Variants in GPR158 observed in about 807,000 individuals in gnomAD.
The protein encoded by GPR158 is G protein-coupled receptor 158.
Under a neutral mutation model 78.2 loss-of-function variants are expected in GPR158, and 30 were observed. The observed-to-expected ratio is 0.38, with a 90% CI of 0.29 to 0.52. The LOEUF (loss-of-function observed/expected upper bound fraction) is 0.52. Among genes scored for constraint, GPR158 ranks in the 20% least tolerant of loss-of-function variants. GPR158 has a pLI of 0.83. For missense variants in GPR158, 1,463 were observed against 1,523.5 expected (o/e 0.96, Z 0.66); for synonymous variants, 581 against 591.1 (o/e 0.98, Z 0.25).
intron 4 of GPR158, among the ~76,000 whole-genome samples, chr10:25,456,778 A>ATGAC (rs140471349): frequency 0.064 from 9,790 of 152,220 alleles, 945 homozygotes; most frequent in African/African-American, 0.21. Flanking sequence ...TTTTAAAAAA[A>ATGAC]TGATGTCAAA....
intron 7 of GPR158, among the ~76,000 whole-genome samples, chr10:25,584,084 G>C (rs1588923719): frequency 6.6e-6 from 1 of 151,724 alleles, no homozygotes; most frequent in East Asian, 1.9e-4. Flanking sequence ...TTTAAACTGA[G>C]TGTTATTCCA....
At chr10:25,312,683 G>C (rs148826637) in intron 2 of GPR158, among the ~76,000 whole-genome samples, 1 of 152,030 alleles carries the variant, frequency 6.6e-6, no homozygotes, top group Non-Finnish European at 1.5e-5. Flanking sequence ...TAAGTGCTTT[G>C]CGCATACTTT....
chr10:25,254,779 T>G (rs995179918), intron 2 of GPR158, among the ~76,000 whole-genome samples: 9 of 152,236 alleles, frequency 5.9e-5, no homozygotes, highest in Non-Finnish European at 1.0e-4. Flanking sequence ...ATTAGTGTAA[T>G]GTATTTCTTG....
intron 2 of GPR158, among the ~76,000 whole-genome samples, chr10:25,353,772 G>A (rs12241693): frequency 0.01 from 1,595 of 152,054 alleles, 27 homozygotes; most frequent in African/African-American, 0.037. Context: ...TTTTCTGAAG[G>A]CAGCATATAA....
chr10:25,265,487 G>A (rs776736603), intron 2 of GPR158, among the ~76,000 whole-genome samples: 10 of 151,970 alleles, frequency 6.6e-5, no homozygotes, highest in Non-Finnish European at 1.3e-4. Flanking sequence ...TACTCCACTG[G>A]GATTTCATGA....
At chr10:25,239,607 C>CAA (rs11394522) in intron 2 of GPR158, among the ~76,000 whole-genome samples, 6,190 of 137,650 alleles carry the variant, frequency 0.045, 272 homozygotes, top group African/African-American at 0.11. Context: ...GACTCTGTCT[C>CAA]AAAAAAAAAA....
chr10:25,385,030 A>T (rs1467937091), intron 2 of GPR158, among the ~76,000 whole-genome samples: 1 of 152,150 alleles, frequency 6.6e-6, no homozygotes, highest in African/African-American at 2.4e-5. Flanking sequence ...CAATTTGGTA[A>T]TGTTATTTAT....
chr10:25,415,340 T>C (rs1834644822), intron 4 of GPR158, among the ~76,000 whole-genome samples: 1 of 151,648 alleles, frequency 6.6e-6, no homozygotes, highest in Non-Finnish European at 1.5e-5. Flanking sequence ...TAAAACCAAT[T>C]TAAAAAGTGA....
intron 2 of GPR158, among the ~76,000 whole-genome samples, chr10:25,270,969 C>T (rs537961249): frequency 4.6e-5 from 7 of 152,326 alleles, no homozygotes; most frequent in Non-Finnish European, 5.9e-5. Flanking sequence ...GTCCTGCATA[C>T]GCTGGCCTGG....
chr10:25,313,719 A>C (rs1466481111), intron 2 of GPR158, among the ~76,000 whole-genome samples: 2 of 152,134 alleles, frequency 1.3e-5, no homozygotes, highest in Non-Finnish European at 2.9e-5. Context: ...CTTTATATAG[A>C]ATTAGATTCA....
At position 25,571,183 on chromosome 10, in the gene GPR158, T is replaced by C. The variant is rs1374037958; in HGVS notation, c.1515-1466T>C. ...ATACAGAATGGAGAGTAACTGTTAA[T>C]CTGGGGAACTGATGAGATGGAGCGT... On this transcript the variant is annotated intron_variant, in intron 6 of 10. Transcript: ENST00000376351. 3.9e-5 allele frequency among the ~76,000 whole-genome samples: 6 copies of C among 152,320 alleles called. No homozygotes were observed. In the East Asian group the frequency reaches 1.2e-3, roughly 29 times the overall value.
intron 1 of GPR158, among the ~76,000 whole-genome samples, chr10:25,190,169 C>T (rs961444119): frequency 1.3e-5 from 2 of 151,970 alleles, no homozygotes; most frequent in Non-Finnish European, 2.9e-5. Flanking sequence ...TTTATTTCAG[C>T]TTATCCCATT....
intron 2 of GPR158, among the ~76,000 whole-genome samples, chr10:25,335,503 GTTC>G (rs1304016158): frequency 6.6e-6 from 1 of 151,948 alleles, no homozygotes; most frequent in Non-Finnish European, 1.5e-5. Context: ...TATGAAAAAT[GTTC>G]TTCTGCTATT....
chr10:25,311,402 T>C (rs756169988), intron 2 of GPR158, among the ~76,000 whole-genome samples: 11 of 151,964 alleles, frequency 7.2e-5, no homozygotes, highest in African/African-American at 2.4e-5. Context: ...TGTGTTTATA[T>C]GAAATATTCT....
chr10:25,220,626 T>A (rs773814931), intron 1 of GPR158, among the ~76,000 whole-genome samples: 3 of 152,182 alleles, frequency 2.0e-5, no homozygotes, highest in Non-Finnish European at 4.4e-5. Context: ...CCCTACTCAA[T>A]CTTCCTAGCC....
intron 3 of GPR158, among the ~76,000 whole-genome samples, chr10:25,410,847 T>C (rs12358447): frequency 0.091 from 13,898 of 152,258 alleles, 692 homozygotes; most frequent in East Asian, 0.17. Flanking sequence ...TATTCAATTA[T>C]GCTTTTGCTA....
chr10:25,350,649 A>T (rs113860179), intron 2 of GPR158, among the ~76,000 whole-genome samples: 1,747 of 152,104 alleles, frequency 0.011, 9 homozygotes, highest in Non-Finnish European at 0.016. Flanking sequence ...GGAGGGGTGT[A>T]TTGGCAGGGA....
chr10:25,429,706 A>G (rs1247876796), intron 4 of GPR158, among the ~76,000 whole-genome samples: 1 of 150,008 alleles, frequency 6.7e-6, no homozygotes, highest in East Asian at 1.9e-4. Context: ...CTGGTTCAAT[A>G]TATGCAAATC....
intron 7 of GPR158, among the ~76,000 whole-genome samples, chr10:25,578,159 A>T (rs11014622): frequency 0.22 from 33,010 of 152,156 alleles, 4,566 homozygotes; most frequent in Non-Finnish European, 0.31. Flanking sequence ...AACTTTTCTG[A>T]GTACGTTTAA....
Sources: allele counts gnomAD v4.1 joint callset (sites outside exome capture counted in the v4.1 genomes callset), GRCh38; gene constraint gnomAD v4.1.1; transcripts MANE v1.5; gene names NCBI Gene and HGNC (gene_info 2026-07-23, HGNC 2026-07-21).